The following ITGBL1 variants were observed in gnomAD, a reference collection of about 807,000 sequenced individuals.
The protein encoded by ITGBL1 is integrin beta-like protein 1.
Under a neutral mutation model 68.5 loss-of-function variants are expected in ITGBL1, and 51 were observed. That is an observed-to-expected ratio of 0.74 (90% CI 0.59 to 0.94). ITGBL1 has a LOEUF of 0.94. ITGBL1 is among the 40% of genes least tolerant of loss of function. The pLI is 0.00. For synonymous variants in ITGBL1, 209 were observed against 227.3 expected (o/e 0.92, Z 0.72); for missense variants, 649 against 647.4 (o/e 1.00, Z -0.03).
At chr13:101,498,829 C>G (rs2048896442) in intron 2 of ITGBL1, among the ~76,000 whole-genome samples, 2 of 152,078 alleles carry the variant, frequency 1.3e-5, no homozygotes, top group Non-Finnish European at 2.9e-5. Flanking sequence ...GTAATTTATA[C>G]AGAGAAACAG....
intron 7 of ITGBL1, among the ~76,000 whole-genome samples, chr13:101,599,315 C>T (rs996947882): frequency 9.2e-5 from 14 of 151,746 alleles, no homozygotes; most frequent in Non-Finnish European, 4.4e-5. Context: ...TGTTTGAGTT[C>T]ATTGTAGATT....
At chr13:101,665,434 T>G (rs1045889013) in intron 7 of ITGBL1, among the ~76,000 whole-genome samples, 1 of 152,052 alleles carries the variant, frequency 6.6e-6, no homozygotes, top group African/African-American at 2.4e-5. Context: ...TTGTTTCTAC[T>G]ATATAAAAAT....
chr13:101,507,469 A>AT (rs1166866459), intron 2 of ITGBL1, among the ~76,000 whole-genome samples: 1 of 151,976 alleles, frequency 6.6e-6, no homozygotes, highest in African/African-American at 2.4e-5. Context: ...TTCTAGAATG[A>AT]TTTTTTACCT....
chr13:101,694,936 TA>T (rs1273482583), intron 8 of ITGBL1, among the ~76,000 whole-genome samples: 3 of 152,204 alleles, frequency 2.0e-5, no homozygotes. Context: ...ATTTTTTCAT[TA>T]ACTAAACAAA....
chr13:101,561,447 T>A (rs1326948945), intron 2 of ITGBL1, among the ~76,000 whole-genome samples: 3 of 152,122 alleles, frequency 2.0e-5, no homozygotes, highest in Non-Finnish European at 4.4e-5. Context: ...TAAGTATCCA[T>A]GGCAGCTATG....
rs2034697004 is a variant in ITGBL1, at chr13:101,715,831, A to C, written c.*177A>C. ...TATTAGAAATGAGTTATGCAAATTT[A>C]GATGCAAATAACATTAGAAAAAAAA... On this transcript the variant is annotated 3_prime_UTR_variant, in exon 11 of 11. Coordinates refer to ENST00000376180, the MANE Select transcript of ITGBL1 (RefSeq NM_004791.3). 2.1e-6 allele frequency: 1 copy of C among 477,204 alleles called. No individual in the cohort carries two copies. The highest frequency in any genetic ancestry group is 3.2e-5 in the East Asian group (1 of 30,802). The allele number at this position is 477,204 out of a possible 1,614,324, so 29.6% of individuals were successfully genotyped here. A position where few individuals can be genotyped will look rare whatever the true frequency, so the allele number is the denominator to read the frequency against.
At chr13:101,604,434 C>A (rs113513886) in intron 7 of ITGBL1, among the ~76,000 whole-genome samples, 3 of 151,782 alleles carry the variant, frequency 2.0e-5, no homozygotes, top group African/African-American at 7.3e-5. Flanking sequence ...TAATTCATTT[C>A]AGCCTCTTGA....
intron 6 of ITGBL1, among the ~76,000 whole-genome samples, chr13:101,583,841 G>A (rs950618877): frequency 2.0e-5 from 3 of 152,098 alleles, no homozygotes; most frequent in South Asian, 2.1e-4. Context: ...CCCAAAGTTG[G>A]CAAAGACTAG....
chr13:101,593,608 T>C (rs2050694702), intron 6 of ITGBL1, among the ~76,000 whole-genome samples: 1 of 152,036 alleles, frequency 6.6e-6, no homozygotes, highest in South Asian at 2.1e-4. Context: ...AATCCTGTCA[T>C]TTGCAACAAT....
chr13:101,471,413 G>C (rs1446106703), intron 2 of ITGBL1, among the ~76,000 whole-genome samples: 1 of 152,070 alleles, frequency 6.6e-6, no homozygotes, highest in Non-Finnish European at 1.5e-5. Flanking sequence ...TTTTCTGTAA[G>C]ATTTTCTCTT....
intron 2 of ITGBL1, among the ~76,000 whole-genome samples, chr13:101,533,787 A>G (rs1275015286): frequency 2.0e-5 from 3 of 152,244 alleles, no homozygotes; most frequent in African/African-American, 4.8e-5. Context: ...CTAAGGCCTA[A>G]CATTAGTGTT....
intron 2 of ITGBL1, among the ~76,000 whole-genome samples, chr13:101,538,419 T>C (rs1379051371): frequency 4.6e-5 from 7 of 152,042 alleles, no homozygotes; most frequent in Non-Finnish European, 8.8e-5. Flanking sequence ...GGCTTTCAAA[T>C]AGTAAACAAA....
chr13:101,674,973 T>C (rs534955272), intron 7 of ITGBL1, among the ~76,000 whole-genome samples: 3 of 152,308 alleles, frequency 2.0e-5, no homozygotes, highest in African/African-American at 4.8e-5. Context: ...ACATTTCTTC[T>C]GATAGGCTCC....
chr13:101,700,230 C>A (rs1430755778), intron 8 of ITGBL1, among the ~76,000 whole-genome samples: 2 of 152,026 alleles, frequency 1.3e-5, no homozygotes, highest in East Asian at 1.9e-4. Flanking sequence ...TGTTTTTCTG[C>A]CCTCAACCTC....
At chr13:101,502,899 A>G (rs1202313743) in intron 2 of ITGBL1, among the ~76,000 whole-genome samples, 1 of 152,182 alleles carries the variant, frequency 6.6e-6, no homozygotes, top group Non-Finnish European at 1.5e-5. Context: ...GGCAAGATGT[A>G]TTGGATTGTT....
intron 2 of ITGBL1, among the ~76,000 whole-genome samples, chr13:101,552,500 G>A (rs1220127830): frequency 1.3e-5 from 2 of 152,146 alleles, no homozygotes; most frequent in Non-Finnish European, 2.9e-5. Flanking sequence ...TTTTGTGATA[G>A]CTGATCTTGT....
At chr13:101,606,871 T>C (rs1215970849) in intron 7 of ITGBL1, among the ~76,000 whole-genome samples, 2 of 152,004 alleles carry the variant, frequency 1.3e-5, no homozygotes, top group Non-Finnish European at 2.9e-5. Context: ...AATCCCTGAC[T>C]GATAATCGGT....
chr13:101,623,036 A>C (rs2031648582), intron 7 of ITGBL1, among the ~76,000 whole-genome samples: 1 of 152,034 alleles, frequency 6.6e-6, no homozygotes, highest in Non-Finnish European at 1.5e-5. Flanking sequence ...TTGAGATTAG[A>C]TTATATTTTG....
chr13:101,683,059 A>T (rs1387802879), intron 7 of ITGBL1, among the ~76,000 whole-genome samples: 1 of 152,140 alleles, frequency 6.6e-6, no homozygotes, highest in East Asian at 1.9e-4. Flanking sequence ...TGAATAATCC[A>T]TTATGCCCAG....
Sources: allele counts gnomAD v4.1 joint callset (sites outside exome capture counted in the v4.1 genomes callset), GRCh38; gene constraint gnomAD v4.1.1; transcripts MANE v1.5; gene names NCBI Gene and HGNC (gene_info 2026-07-23, HGNC 2026-07-21).